The following COL5A1 variants were observed in gnomAD, a reference collection of about 807,000 sequenced individuals.
COL5A1 encodes collagen type V alpha 1 chain, also known as collagen alpha-1(V) chain.
Under a neutral mutation model 263.7 loss-of-function variants are expected in COL5A1, and 16 were observed. The ratio of observed to expected loss-of-function variants is 0.06; its 90% CI spans 0.04 to 0.09. COL5A1 has a LOEUF of 0.09. COL5A1 is among the 10% of genes least tolerant of loss of function. The probability of loss-of-function intolerance (pLI) is 1.00; values close to 1 mark genes in which losing one functional copy is unlikely to be tolerated. For synonymous variants in COL5A1, 1,012 were observed against 1,004.5 expected (o/e 1.01, Z -0.14); for missense variants, 2,036 against 2,540.5 (o/e 0.80, Z 4.27).
intron 21 of COL5A1, among the ~76,000 whole-genome samples, chr9:134,766,252 T>C (rs1836659913): frequency 6.6e-6 from 1 of 152,090 alleles, no homozygotes; most frequent in Admixed American, 6.5e-5. Flanking sequence ...TCAGTTAACC[T>C]TTAGCTGAGG....
chr9:134,817,986 C>T (rs1272525915), intron 54 of COL5A1, among the ~76,000 whole-genome samples, 155 bp downstream of exon 54: 1 of 152,210 alleles, frequency 6.6e-6, no homozygotes, highest in Non-Finnish European at 1.5e-5. Flanking sequence ...GGGGAGGAGA[C>T]CTGGTTCTCT....
intron 63 of COL5A1, among the ~76,000 whole-genome samples, chr9:134,828,708 T>C (rs1466380459): frequency 6.4e-3 from 7 of 1,088 alleles, no homozygotes; most frequent in African/African-American, 0.017. Context: ...ATACCACACA[T>C]AGATACGCAC....
At chr9:134,654,403 T>TG (rs200707807) in intron 1 of COL5A1, among the ~76,000 whole-genome samples, 3 of 84,854 alleles carry the variant, frequency 3.5e-5, no homozygotes, top group African/African-American at 4.7e-5. Flanking sequence ...TGTGTAGGGC[T>TG]GGTGTGTGTA....
At chr9:134,709,247 T>G in intron 4 of COL5A1, 1 of 318,658 alleles carries the variant, frequency 3.1e-6, no homozygotes, top group South Asian at 2.5e-5. Flanking sequence ...CCTCTGGGCA[T>G]GCATATTTGG....
chr9:134,822,165 G>C lies in COL5A1; in HGVS notation c.4608+15G>C, dbSNP rs772168723. On this transcript the variant is annotated intron_variant, in intron 59 of 65. Coordinates refer to ENST00000371817, the MANE Select transcript of COL5A1 (RefSeq NM_000093.5). Reference sequence around the variant, plus strand: ...CTGGCCTGCCGGTGTGTATCTGGGAGGGGCTTGGTCATTCCTGGGAGGGCA... The same window carrying C: ...CTGGCCTGCCGGTGTGTATCTGGGACGGGCTTGGTCATTCCTGGGAGGGCA... The C allele has an allele frequency of 1.2e-6, 2 of 1,607,342 alleles. No homozygotes were observed. The highest frequency in any genetic ancestry group is 3.3e-5 in the Admixed American group (2 of 60,008).
rs959820655 is a variant in COL5A1, at chr9:134,682,486, G to A, written c.110-8426G>A. On this transcript the variant is annotated intron_variant, in intron 1 of 65. Transcript: ENST00000371817. This position sits in a 1 kb window ranked among gnomAD's most constrained non-coding sequence, Gnocchi z 5.1. ...GAGCCAGCCCAGTGCCAGGGACAGA[G>A]TTGGAAATAACCTTCTAATGAGATA... 2.0e-5 allele frequency among the ~76,000 whole-genome samples: 3 copies of A among 152,232 alleles called. No homozygotes were observed. The highest frequency in any genetic ancestry group is 7.2e-5 in the African/African-American group (3 of 41,452).
chr9:134,828,556 CACACACACA>C (rs1361044215), intron 63 of COL5A1, among the ~76,000 whole-genome samples: 1 of 108,070 alleles, frequency 9.3e-6, no homozygotes, highest in Non-Finnish European at 2.0e-5. Context: ...AGATACGCAC[CACACACACA>C]ATACACACCA....
At chr9:134,806,372 C>A in intron 42 of COL5A1, 76 bp downstream of exon 42, 1 of 1,045,410 alleles carries the variant, frequency 9.6e-7, no homozygotes, top group Non-Finnish European at 1.4e-6. Flanking sequence ...CTTGTCCCTC[C>A]CCCTGTGATG....
At position 134,731,586 on chromosome 9, in the gene COL5A1, C is replaced by A; in HGVS notation, c.1255C>A (p.Pro419Thr). Residue 419 changes from proline to threonine, a missense_variant, in exon 8 of 66, where the codon CCC becomes ACC. Transcript: ENST00000371817. ...IRNLDENYYD[P>T]YYDPTSSPSE... is the part of the protein sequence containing the mutation. ...GAACCTTGACGAGAACTACTACGAC[C>A]CCTACTACGACCCCACCAGCTCCCC... 4 of 1,614,114 alleles carry A rather than the reference C, an allele frequency of 2.5e-6. No homozygotes were observed. The highest frequency in any genetic ancestry group is 3.4e-6 in the Non-Finnish European group (4 of 1,179,972).
chr9:134,823,667 C>T lies in COL5A1; in HGVS notation c.4698+198C>T, dbSNP rs544604525. On this transcript the variant is annotated intron_variant, in intron 61 of 65. Transcript: ENST00000371817. Reference sequence around the variant, plus strand: ...CAGGAAGCTTACAGGCCAATTGGCCCTGAGAAGAACAGCTGGCCAGGAGAG... The same window carrying T: ...CAGGAAGCTTACAGGCCAATTGGCCTTGAGAAGAACAGCTGGCCAGGAGAG... Among the ~76,000 whole-genome samples the T allele has an allele frequency of 3.9e-5, 6 of 152,338 alleles. No individual in the cohort carries two copies. The South Asian group carries it at 1.0e-3, about 26-fold the overall frequency.
At chr9:134,718,927 T>G (rs1834359474) in intron 4 of COL5A1, among the ~76,000 whole-genome samples, 1 of 152,212 alleles carries the variant, frequency 6.6e-6, no homozygotes, top group Non-Finnish European at 1.5e-5. Context: ...AAGTCTCTTT[T>G]GCCGAGGCGT....
chr9:134,780,928 C>T (rs916470932), intron 28 of COL5A1, among the ~76,000 whole-genome samples: 2 of 152,212 alleles, frequency 1.3e-5, no homozygotes, highest in Non-Finnish European at 2.9e-5. Flanking sequence ...CCTGCCATGC[C>T]GTGTAGCCAT....
intron 4 of COL5A1, among the ~76,000 whole-genome samples, chr9:134,701,751 G>A (rs763746005): frequency 1.3e-5 from 2 of 152,214 alleles, no homozygotes; most frequent in African/African-American, 4.8e-5. Context: ...CTGGGCCACC[G>A]TGTGGACGCA....
At chr9:134,727,189 G>T in intron 4 of COL5A1, 77 bp from the exon 5 acceptor site, 1 of 1,491,966 alleles carries the variant, frequency 6.7e-7, no homozygotes, top group South Asian at 1.1e-5. Flanking sequence ...CTGCTTCAAG[G>T]CATGGGGCTG....
rs755507243 is a variant in COL5A1, at chr9:134,795,092, G to A, written c.2711G>A (p.Gly904Glu). Residue 904 changes from glycine (G) to glutamate (E), a missense_variant, in exon 33 of 66, where the codon GGA (glycine) becomes GAA (glutamate). This residue lies in a region of COL5A1 where 1,078 missense variants were observed against 1,521.4 expected (regional missense o/e 0.71). Coordinates refer to ENST00000371817, the MANE Select transcript of COL5A1 (RefSeq NM_000093.5). ...NGEKGGRGTP[G>E]KPGPRGQRGP... ...CTTCTCTGATTCTAGGGGACCCCTG[G>A]AAAGCCAGGACCGCGGGGGCAGCGA... is the stretch of plus-strand genomic sequence containing the variant. The A allele has an allele frequency of 6.2e-7, 1 of 1,614,048 alleles. No homozygotes were observed.
At chr9:134,744,265 ACACT>A (rs1394832951) in intron 11 of COL5A1, among the ~76,000 whole-genome samples, 7 of 152,172 alleles carry the variant, frequency 4.6e-5, no homozygotes, top group African/African-American at 1.7e-4. Context: ...GTTCACACAC[ACACT>A]CAAGCACACA....
intron 59 of COL5A1, 41 bp downstream of exon 59, chr9:134,822,191 G>T: frequency 1.5e-6 from 2 of 1,366,220 alleles, no homozygotes; most frequent in South Asian, 1.2e-5. Context: ...TGGGAGGGCA[G>T]GGAGGGTGGG....
rs1021419131 is a variant in COL5A1 at position 134,758,186 on chromosome 9, C to G, written c.1882-57C>G. The G allele has an allele frequency of 1.9e-6, 3 of 1,586,502 alleles. No homozygotes were observed. The Admixed American group carries it at 5.0e-5, about 26-fold the overall frequency. On this transcript the variant is annotated intron_variant, in intron 17 of 65. Transcript: ENST00000371817. This position sits in a 1 kb window ranked among gnomAD's most constrained non-coding sequence, Gnocchi z 4.1. ...GGCCATCACTTGGTGGACACCAAGG[C>G]GGGGTGTCCACGTGTGCAGGGTGGC...
At chr9:134,812,234 C>T (rs896266986) in intron 46 of COL5A1, among the ~76,000 whole-genome samples, 1 of 152,186 alleles carries the variant, frequency 6.6e-6, no homozygotes, top group Admixed American at 6.5e-5. Context: ...TCACCTTTGT[C>T]GTAAATCTTT....
Sources: allele counts gnomAD v4.1 joint callset (sites outside exome capture counted in the v4.1 genomes callset), GRCh38; gene constraint gnomAD v4.1.1; regional missense constraint gnomAD v4.1.1; non-coding constraint Gnocchi (gnomAD v3.1); transcripts MANE v1.5; gene names NCBI Gene and HGNC (gene_info 2026-07-23, HGNC 2026-07-21).